Variants in EPM2A observed in about 807,000 individuals in gnomAD.
EPM2A encodes the protein EPM2A glucan phosphatase, laforin.
A neutral mutation model predicts 26.5 loss-of-function variants in EPM2A; 21 were observed. The observed-to-expected ratio is 0.79, with a 90% confidence interval of 0.56 to 1.14. EPM2A has a LOEUF of 1.14. EPM2A is among the 50% of genes most tolerant of loss of function. EPM2A has a pLI of 0.00. For missense variants in EPM2A, 458 were observed against 440.8 expected (o/e 1.04, Z -0.35); for synonymous variants, 217 against 177.6 (o/e 1.22, Z -1.76).
intron 4 of EPM2A, among the ~76,000 whole-genome samples, chr6:145,471,690 C>A (rs977414004): frequency 6.6e-6 from 1 of 152,156 alleles, no homozygotes; most frequent in Non-Finnish European, 1.5e-5. Flanking sequence ...ACCACCCATA[C>A]AGGGAGAATT....
chr6:145,555,954 T>C (rs765678268), intron 2 of EPM2A, among the ~76,000 whole-genome samples: 5 of 152,166 alleles, frequency 3.3e-5, no homozygotes, highest in Non-Finnish European at 5.9e-5. Context: ...AGCTCTGTAA[T>C]GGAGGAAATT....
At chr6:145,415,421 A>G (rs1778694694) in intron 4 of EPM2A, among the ~76,000 whole-genome samples, 2 of 152,212 alleles carry the variant, frequency 1.3e-5, no homozygotes, top group African/African-American at 4.8e-5. Context: ...CTAGCCTTCC[A>G]CTACTAACAT....
At chr6:145,652,891 C>A (rs1582973014) in intron 2 of EPM2A, among the ~76,000 whole-genome samples, 1 of 152,182 alleles carries the variant, frequency 6.6e-6, no homozygotes, top group South Asian at 2.1e-4. Flanking sequence ...ATCTAGATGA[C>A]CAGCCTACCT....
rs1054138980 is a variant in EPM2A, at chr6:145,686,204, C to A, written c.394G>T (p.Ala132Ser). The change falls in exon 2 of 4, where the codon GCC becomes TCC. Residue 132 changes from alanine to serine, a missense_variant. By Grantham distance (99) the Ala-to-Ser change is moderately conservative. Coordinates refer to ENST00000367519, the MANE Select transcript of EPM2A (RefSeq NM_005670.4). ...YCLPIGHWIE[A>S]TGHTNEMKHT... ...TTCATTTCATTGGTGTGCCCAGTGG[C>A]CTCAATCCAGTGTCCTATTGGGAGA... The A allele has an allele frequency of 5.6e-6, 9 of 1,613,600 alleles. No homozygotes were observed. The highest frequency in any genetic ancestry group is 7.6e-6 in the Non-Finnish European group (9 of 1,179,694).
At chr6:145,619,197 A>G (rs1009804258) in intron 2 of EPM2A, among the ~76,000 whole-genome samples, 5 of 152,150 alleles carry the variant, frequency 3.3e-5, no homozygotes, top group Non-Finnish European at 7.4e-5. Context: ...TTTGGGAGAT[A>G]TTCTGAAAGA....
At chr6:145,594,761 G>T (rs6904336) in intron 2 of EPM2A, among the ~76,000 whole-genome samples, 10,200 of 151,664 alleles carry the variant, frequency 0.067, 1,150 homozygotes, top group African/African-American at 0.23. Flanking sequence ...TTACAGAACA[G>T]CCAATTTAAT....
chr6:145,629,694 G>C (rs904666045), intron 3 of EPM2A: 1 of 152,338 alleles, frequency 6.6e-6, no homozygotes, highest in Non-Finnish European at 1.5e-5. Context: ...AGCTGGAAGC[G>C]TAGGTTCTTC....
intron 2 of EPM2A, among the ~76,000 whole-genome samples, chr6:145,646,787 A>G (rs1415575163): frequency 1.3e-5 from 2 of 152,070 alleles, no homozygotes; most frequent in Admixed American, 6.6e-5. Flanking sequence ...TCTCCTGCCT[A>G]TCCCATTAGA....
chr6:145,416,171 T>A (rs188219787), intron 4 of EPM2A, among the ~76,000 whole-genome samples: 1 of 152,114 alleles, frequency 6.6e-6, no homozygotes, highest in Admixed American at 6.5e-5. Flanking sequence ...AATGAGTTGT[T>A]ACTTTCTTTC....
chr6:145,732,602 A>G (rs1213698793), intron 1 of EPM2A, among the ~76,000 whole-genome samples: 1 of 152,158 alleles, frequency 6.6e-6, no homozygotes, highest in African/African-American at 2.4e-5. Context: ...ATTAATAACA[A>G]ATTTTTAAAT....
intron 2 of EPM2A, among the ~76,000 whole-genome samples, chr6:145,508,906 A>G (rs937916286): frequency 6.6e-6 from 1 of 152,160 alleles, no homozygotes; most frequent in African/African-American, 2.4e-5. Context: ...ACCAAACAGA[A>G]CTTCTGGAAT....
intron 3 of EPM2A, among the ~76,000 whole-genome samples, chr6:145,634,097 G>A (rs1187149145): frequency 6.6e-6 from 1 of 152,092 alleles, no homozygotes; most frequent in Non-Finnish European, 1.5e-5. Flanking sequence ...AGATAGAAAC[G>A]TCTCTGAGCT....
intron 2 of EPM2A, among the ~76,000 whole-genome samples, chr6:145,529,124 A>C (rs185580744): frequency 0.088 from 12,204 of 139,424 alleles, 575 homozygotes; most frequent in East Asian, 0.18. Flanking sequence ...GGATAAGCAA[A>C]AAAAGTAGTT....
intron 2 of EPM2A, among the ~76,000 whole-genome samples, chr6:145,535,107 T>A (rs1386922203): frequency 1.3e-5 from 2 of 152,190 alleles, no homozygotes; most frequent in African/African-American, 2.4e-5. Flanking sequence ...AAAGAATAGA[T>A]GAATCTTTCT....
chr6:145,460,877 T>G (rs1419721774), intron 4 of EPM2A, among the ~76,000 whole-genome samples: 1 of 150,220 alleles, frequency 6.7e-6, no homozygotes, highest in Non-Finnish European at 1.5e-5. Flanking sequence ...TCTAGACATA[T>G]TCTCTTAAAA....
chr6:145,491,783 A>G (rs1211565227), intron 4 of EPM2A: 3 of 533,504 alleles, frequency 5.6e-6, no homozygotes, highest in East Asian at 5.5e-5. Context: ...TGCTTTCCAT[A>G]CATCATTGGC....
intron 1 of EPM2A, among the ~76,000 whole-genome samples, chr6:145,707,824 T>C (rs1782310561): frequency 1.3e-5 from 2 of 152,220 alleles, no homozygotes; most frequent in African/African-American, 4.8e-5. Flanking sequence ...GGTGCTGCTA[T>C]AAAGATACTT....
chr6:145,686,078 C>A (rs1333465828), intron 2 of EPM2A, 44 bp downstream of exon 2: 2 of 1,547,050 alleles, frequency 1.3e-6, no homozygotes, highest in Non-Finnish European at 1.8e-6. Context: ...CTAATGCTAT[C>A]TCTTGTCCTA....
At chr6:145,566,296 T>A (rs1780883120) in intron 2 of EPM2A, among the ~76,000 whole-genome samples, 1 of 152,242 alleles carries the variant, frequency 6.6e-6, no homozygotes, top group Admixed American at 6.5e-5. Flanking sequence ...TCTTCTATCA[T>A]TAATATTATA....
Sources: gnomAD v4.1 joint callset for allele counts (sites outside exome capture counted in the v4.1 genomes callset) on GRCh38, gnomAD v4.1.1 for gene constraint, MANE v1.5 for transcripts, NCBI Gene and HGNC (gene_info 2026-07-23, HGNC 2026-07-21) for gene names.